KDSR: variants seen among roughly 807,000 people sequenced by gnomAD.
The protein encoded by KDSR is 3-dehydrosphinganine reductase.
In KDSR, 23 loss-of-function variants were observed where a neutral mutation model predicts 41.3. That is an observed-to-expected ratio of 0.56 (90% CI 0.40 to 0.79). KDSR has a LOEUF of 0.79. Ranked by LOEUF, KDSR falls within the 30% of genes least tolerant of loss-of-function variation. The pLI is 0.00. For synonymous variants in KDSR, 138 were observed against 151.7 expected (o/e 0.91, Z 0.66); for missense variants, 351 against 416.8 (o/e 0.84, Z 1.37).
Position 63,336,089 on chromosome 18 carries a change from G to A in KDSR, c.778-731C>T, listed in dbSNP as rs190481002. ...CTGTGGCCCAGGCTGGAATGCAGTG[G>A]TGTGATCTCTGCTCACTGCAACCTC... On this transcript the variant is annotated intron_variant, in intron 8 of 9. Coordinates refer to ENST00000645214, the MANE Select transcript of KDSR (RefSeq NM_002035.4). The A allele has an allele frequency of 4.7e-3, 711 of 152,486 alleles. 3 individuals carry two copies. The highest frequency in any genetic ancestry group is 7.7e-3 in the Non-Finnish European group (524 of 68,170). The allele number at this position is 152,486 out of a possible 1,614,324, so 9.4% of individuals were successfully genotyped here.
intron 5 of KDSR, among the ~76,000 whole-genome samples, 169 bp downstream of exon 5, chr18:63,355,035 G>C (rs115874531): frequency 0.012 from 1,896 of 152,288 alleles, 35 homozygotes; most frequent in African/African-American, 0.044. Flanking sequence ...TCCTGACACT[G>C]GGATGAAAAC....
At chr18:63,338,745 T>C in intron 8 of KDSR, 55 bp downstream of exon 8, 1 of 1,138,884 alleles carries the variant, frequency 8.8e-7, no homozygotes, top group Non-Finnish European at 1.3e-6. Context: ...AAATATCTTT[T>C]CAGAAATATA....
chr18:63,365,065 A>G (rs1915096348), intron 1 of KDSR, among the ~76,000 whole-genome samples: 1 of 152,200 alleles, frequency 6.6e-6, no homozygotes, highest in Non-Finnish European at 1.5e-5. Flanking sequence ...ACTTCTTTTT[A>G]GCTTCAACCT....
intron 3 of KDSR, among the ~76,000 whole-genome samples, chr18:63,358,661 A>C (rs1914870396): frequency 1.3e-5 from 2 of 151,694 alleles, no homozygotes; most frequent in African/African-American, 4.8e-5. Context: ...AAAATACAAA[A>C]AAAATTAGCC....
intron 2 of KDSR, among the ~76,000 whole-genome samples, chr18:63,361,060 G>GAATAAAAATATATATTTTATATATATA (rs1914963399): frequency 8.5e-6 from 1 of 117,618 alleles, no homozygotes; most frequent in East Asian, 2.6e-4. Context: ...TTATATATAT[G>GAATAAAAATATATATTTTATATATATA]TAAATATATA....
Position 63,355,146 on chromosome 18 carries a change from G to A in KDSR, c.417+58C>T, listed in dbSNP as rs533989825. 6.9e-4 allele frequency: 787 copies of A among 1,139,824 alleles called. 11 individuals carry two copies. The South Asian group carries it at 7.9e-3, about 11-fold the overall frequency. 70.6% of individuals were successfully genotyped at this position (1,139,824 alleles called of 1,614,324 possible). On this transcript the variant is annotated intron_variant, in intron 5 of 9. Coordinates refer to ENST00000645214, the MANE Select transcript of KDSR (RefSeq NM_002035.4). ...TAATTGATTCTTAAAGCTTTTACCC[G>A]TAGCTTGCTCTGCTTTTAGCATATG...
intron 8 of KDSR, among the ~76,000 whole-genome samples, chr18:63,336,487 G>GA (rs1914162379): frequency 2.0e-5 from 3 of 152,152 alleles, no homozygotes; most frequent in Admixed American, 6.5e-5. Flanking sequence ...GAGCCTTCAA[G>GA]AAAAAATTAA....
chr18:63,365,462 T>C (rs1287960311), intron 1 of KDSR, among the ~76,000 whole-genome samples: 1 of 152,248 alleles, frequency 6.6e-6, no homozygotes, highest in Non-Finnish European at 1.5e-5. Flanking sequence ...GAACTATTCA[T>C]GTCATTCTCA....
intron 2 of KDSR, 77 bp from the exon 3 acceptor site, chr18:63,359,869 G>A: frequency 1.0e-6 from 1 of 988,124 alleles, no homozygotes; most frequent in Non-Finnish European, 1.6e-6. Context: ...GAGAAAAAAA[G>A]CAATTATTTC....
At chr18:63,359,645 A>G (rs1348963422) in intron 3 of KDSR, 91 bp downstream of exon 3, 2 of 846,000 alleles carry the variant, frequency 2.4e-6, no homozygotes, top group East Asian at 2.4e-5. Context: ...TATGCTTTCA[A>G]TTAACTATTC....
chr18:63,352,267 C>T (rs951593426), intron 5 of KDSR, among the ~76,000 whole-genome samples: 2 of 152,034 alleles, frequency 1.3e-5, no homozygotes, highest in Non-Finnish European at 1.5e-5. Flanking sequence ...CATGAACATA[C>T]AATCATAATA....
At chr18:63,339,344 G>A (rs1272752484) in intron 7 of KDSR, among the ~76,000 whole-genome samples, 1 of 152,252 alleles carries the variant, frequency 6.6e-6, no homozygotes, top group Non-Finnish European at 1.5e-5. Context: ...CCCTGGGGAT[G>A]AACCTGGCGC....
intron 5 of KDSR, among the ~76,000 whole-genome samples, chr18:63,351,384 T>A (rs1232995008): frequency 6.6e-6 from 1 of 152,216 alleles, no homozygotes; most frequent in Admixed American, 6.5e-5. Flanking sequence ...TTATAAAAAG[T>A]ATACTGCATG....
At position 63,337,094 on chromosome 18, in the gene KDSR, T is replaced by TTATA. The variant is rs369862895; in HGVS notation, c.777+1702_777+1705dup. 1.3e-3 allele frequency among the ~76,000 whole-genome samples: 49 copies of TTATA among 38,698 alleles called. 1 individual carries two copies. The highest frequency in any genetic ancestry group is 2.8e-3 in the African/African-American group (43 of 15,262). The allele number at this position is 38,698 out of a possible 152,430, so 25.4% of individuals were successfully genotyped here. ...ACTTTATATATATATATATGTGACT[T>TTATA]TATATATATATATATGTGAATATAT... is the stretch of plus-strand genomic sequence containing the variant. On this transcript the variant is annotated intron_variant, in intron 8 of 9. Transcript: ENST00000645214.
chr18:63,358,564 G>C (rs543245216), intron 3 of KDSR, among the ~76,000 whole-genome samples: 1 of 152,024 alleles, frequency 6.6e-6, no homozygotes, highest in South Asian at 2.1e-4. Context: ...ATAATCACAG[G>C]ACTTTGGGAG....
intron 6 of KDSR, among the ~76,000 whole-genome samples, chr18:63,350,607 A>G (rs543472350): frequency 1.3e-5 from 2 of 152,380 alleles, no homozygotes; most frequent in Non-Finnish European, 2.9e-5. Context: ...TTCACACAGT[A>G]TTAGACTAAT....
chr18:63,354,489 G>A (rs775749061), intron 5 of KDSR, among the ~76,000 whole-genome samples: 7 of 152,190 alleles, frequency 4.6e-5, no homozygotes, highest in Non-Finnish European at 8.8e-5. Context: ...CCAACGTGGC[G>A]TAAACCCATC....
At chr18:63,335,219 C>T (rs774757639) in intron 9 of KDSR, 38 bp downstream of exon 9, 1 of 1,360,624 alleles carries the variant, frequency 7.3e-7, no homozygotes, top group Non-Finnish European at 1.0e-6. Flanking sequence ...TTCTCTTGTC[C>T]ATCGGCCTGT....
intron 3 of KDSR, among the ~76,000 whole-genome samples, chr18:63,356,509 C>T (rs1290373946): frequency 6.6e-6 from 1 of 152,090 alleles, no homozygotes; most frequent in Admixed American, 6.6e-5. Flanking sequence ...CAAGTGAAAT[C>T]TCAGAACAAA....
Sources: gnomAD v4.1 joint callset for allele counts (sites outside exome capture counted in the v4.1 genomes callset) on GRCh38, gnomAD v4.1.1 for gene constraint, MANE v1.5 for transcripts, NCBI Gene and HGNC (gene_info 2026-07-23, HGNC 2026-07-21) for gene names.